The following FECH variants were observed in gnomAD, a reference collection of about 807,000 sequenced individuals.
FECH encodes the protein ferrochelatase.
In FECH, 40 loss-of-function variants were observed where a neutral mutation model predicts 56.9. That is an observed-to-expected ratio of 0.70 (90% CI 0.55 to 0.92). The LOEUF is 0.92. Ranked by LOEUF, FECH falls within the 40% of genes least tolerant of loss-of-function variation. The pLI is 0.00. For synonymous variants in FECH, 175 were observed against 198.6 expected (o/e 0.88, Z 1.00); for missense variants, 431 against 529.1 (o/e 0.81, Z 1.82).
chr18:57,559,813 A>C (rs1468822004), intron 6 of FECH, among the ~76,000 whole-genome samples: 1 of 152,222 alleles, frequency 6.6e-6, no homozygotes, highest in Non-Finnish European at 1.5e-5. Flanking sequence ...CACACCCATT[A>C]AATTCACAGA....
intron 2 of FECH, among the ~76,000 whole-genome samples, chr18:57,577,029 T>C (rs2051194451): frequency 6.6e-6 from 1 of 152,242 alleles, no homozygotes; most frequent in Non-Finnish European, 1.5e-5. Context: ...ATACAAGGTT[T>C]TTCCGTGAAA....
chr18:57,569,150 A>C (rs2051059664), intron 4 of FECH, among the ~76,000 whole-genome samples: 1 of 152,274 alleles, frequency 6.6e-6, no homozygotes, highest in Admixed American at 6.5e-5. Context: ...TACAAGCTAA[A>C]CAGTTAAACT....
Position 57,556,860 on chromosome 18 carries a change from G to A in FECH, c.805-1908C>T, listed in dbSNP as rs1024713386. Reference sequence around the variant, plus strand: ...TGGTAGGTCGAGGCTGCAGTGAGTCGTGACTGCACCACAGCACACCAGCCT... The same window carrying A: ...TGGTAGGTCGAGGCTGCAGTGAGTCATGACTGCACCACAGCACACCAGCCT... On this transcript the variant is annotated intron_variant, in intron 7 of 10. Coordinates refer to ENST00000262093, the MANE Select transcript of FECH (RefSeq NM_000140.5). Among the ~76,000 whole-genome samples, 7 of 145,982 alleles carry A rather than the reference G, an allele frequency of 4.8e-5. No individual in the cohort carries two copies. The East Asian group carries it at 1.0e-3, about 21-fold the overall frequency.
chr18:57,583,289 C>T (rs560780760), intron 1 of FECH, among the ~76,000 whole-genome samples: 1 of 152,334 alleles, frequency 6.6e-6, no homozygotes, highest in Non-Finnish European at 1.5e-5. Flanking sequence ...GGAAAAGACT[C>T]AGCTCACAGC....
At chr18:57,563,059 T>C in intron 5 of FECH, 79 bp from the exon 6 acceptor site, 1 of 1,173,540 alleles carries the variant, frequency 8.5e-7, no homozygotes, top group African/African-American at 1.5e-5. Context: ...AGGTAGTATA[T>C]ATAAGTTCAA....
intron 6 of FECH, among the ~76,000 whole-genome samples, chr18:57,562,063 T>C (rs1273156182): frequency 6.6e-6 from 1 of 152,224 alleles, no homozygotes; most frequent in African/African-American, 2.4e-5. Flanking sequence ...ACCAGGCTTC[T>C]AAAGAAGTTG....
rs905400362 is a variant in FECH at position 57,545,201 on chromosome 18, G to A, written c.*5511C>T. Among the ~76,000 whole-genome samples, 2 of 152,178 alleles carry A rather than the reference G, an allele frequency of 1.3e-5. No homozygotes were observed. Among genetic ancestry groups the A allele is most frequent in the Non-Finnish European group, 2.9e-5 (2 of 68,024 alleles). On this transcript the variant is annotated 3_prime_UTR_variant, in exon 11 of 11. Transcript: ENST00000262093. ...AAGGCTCACAAGAAATCAGAAACAGGACCCAGATCTCTACCCAAGGGCTTA... is the reference window on the plus strand; with the variant it reads ...AAGGCTCACAAGAAATCAGAAACAGAACCCAGATCTCTACCCAAGGGCTTA...
chr18:57,579,154 A>G (rs1217782797), intron 2 of FECH, among the ~76,000 whole-genome samples: 2 of 151,528 alleles, frequency 1.3e-5, no homozygotes, highest in South Asian at 4.2e-4. Context: ...AGGCTGAGAC[A>G]TGAGAATTGC....
At chr18:57,551,887 CTT>C (rs201249549) in intron 9 of FECH, among the ~76,000 whole-genome samples, 21 of 141,318 alleles carry the variant, frequency 1.5e-4, no homozygotes, top group Admixed American at 2.8e-4. Context: ...ATTCTTTTTT[CTT>C]TTTTTTTTTT....
At chr18:57,556,999 AC>A (rs2050877194) in intron 7 of FECH, among the ~76,000 whole-genome samples, 1 of 150,424 alleles carries the variant, frequency 6.6e-6, no homozygotes, top group Admixed American at 6.7e-5. Flanking sequence ...TGCTGAGGAA[AC>A]CCCACAGCCA....
intron 1 of FECH, among the ~76,000 whole-genome samples, chr18:57,582,228 G>GAAAATCC (rs1389568579): frequency 6.6e-6 from 1 of 152,102 alleles, no homozygotes. Flanking sequence ...TCCCAAATGT[G>GAAAATCC]AAAATCCAAA....
chr18:57,566,190 A>G (rs2051013791), intron 5 of FECH, among the ~76,000 whole-genome samples: 1 of 152,234 alleles, frequency 6.6e-6, no homozygotes, highest in Admixed American at 6.5e-5. Context: ...ACACAATGGC[A>G]TTAAAGCACT....
At chr18:57,580,359 C>G (rs2051259395) in intron 1 of FECH, among the ~76,000 whole-genome samples, 160 bp from the exon 2 acceptor site, 1 of 152,064 alleles carries the variant, frequency 6.6e-6, no homozygotes, top group Non-Finnish European at 1.5e-5. Flanking sequence ...GAACTTAAGC[C>G]CTCTCCAAGG....
chr18:57,552,153 G>T (rs371707988), intron 9 of FECH, among the ~76,000 whole-genome samples: 3 of 151,606 alleles, frequency 2.0e-5, no homozygotes, highest in Non-Finnish European at 4.4e-5. Flanking sequence ...CGAAGTGCTG[G>T]GATTACAGGT....
chr18:57,572,591 G>C (rs1484385064), intron 3 of FECH, among the ~76,000 whole-genome samples: 3 of 137,574 alleles, frequency 2.2e-5, no homozygotes, highest in Non-Finnish European at 4.8e-5. Flanking sequence ...AACGAAGTGG[G>C]GGGGGGGGTG....
At position 57,550,127 on chromosome 18, in the gene FECH, T is replaced by TCA. The variant is rs1292717690; in HGVS notation, c.*583_*584dup. The TCA allele has an allele frequency of 6.5e-6, 1 of 153,460 alleles. No individual in the cohort carries two copies. The highest frequency in any genetic ancestry group is 1.4e-5 in the Non-Finnish European group (1 of 68,974). The allele number at this position is 153,460 out of a possible 1,614,324, so 9.5% of individuals were successfully genotyped here. A position where few individuals can be genotyped will look rare whatever the true frequency, so the allele number is the denominator to read the frequency against. On this transcript the variant is annotated 3_prime_UTR_variant, in exon 11 of 11. Coordinates refer to ENST00000262093, the MANE Select transcript of FECH (RefSeq NM_000140.5). Reference sequence around the variant, plus strand: ...CTTTTTACATTGAGGAAAGTGAGATTCACACACAAATACCAAGATGACCAA... The same window carrying TCA: ...CTTTTTACATTGAGGAAAGTGAGATTCACACACACAAATACCAAGATGACCAA...
At chr18:57,574,190 C>T (rs929268445) in intron 2 of FECH, among the ~76,000 whole-genome samples, 9 of 152,014 alleles carry the variant, frequency 5.9e-5, no homozygotes, top group Admixed American at 2.6e-4. Context: ...GATGGTGTTT[C>T]GCCATGTTGG....
chr18:57,572,468 G>A (rs754468177), intron 3 of FECH, among the ~76,000 whole-genome samples: 1 of 133,528 alleles, frequency 7.5e-6, no homozygotes, highest in African/African-American at 2.9e-5. Flanking sequence ...TGTAAATGAC[G>A]AGTTAATGGG....
rs555869268 is a variant in FECH, at chr18:57,547,457, G to A, written c.*3255C>T. ...TGTTCTTGTGACAGCCAGTTCTCAC[G>A]AGATCTGATGGTTTTATAAGGGGGC... is the stretch of plus-strand genomic sequence containing the variant. On this transcript the variant is annotated 3_prime_UTR_variant, in exon 11 of 11. Transcript: ENST00000262093. Among the ~76,000 whole-genome samples, 22 of 152,092 alleles carry A rather than the reference G, an allele frequency of 1.4e-4. No homozygotes were observed. Among genetic ancestry groups the A allele is most frequent in the Non-Finnish European group, 2.8e-4 (19 of 68,020 alleles).
Sources: allele counts gnomAD v4.1 joint callset (sites outside exome capture counted in the v4.1 genomes callset), GRCh38; gene constraint gnomAD v4.1.1; transcripts MANE v1.5; gene names NCBI Gene and HGNC (gene_info 2026-07-23, HGNC 2026-07-21).